Variants in MIGA2 observed in about 807,000 individuals in gnomAD.
MIGA2 encodes mitoguardin 2.
A neutral mutation model predicts 69.9 loss-of-function variants in MIGA2; 36 were observed. The ratio of observed to expected loss-of-function variants is 0.52; its 90% CI spans 0.39 to 0.68. The LOEUF (loss-of-function observed/expected upper bound fraction) is 0.68, where lower values mean the gene tolerates loss of function less well. MIGA2 is among the 30% of genes least tolerant of loss of function. The probability of loss-of-function intolerance (pLI) is 0.00; values close to 1 mark genes in which losing one functional copy is unlikely to be tolerated. For synonymous variants in MIGA2, 333 were observed against 349.2 expected (o/e 0.95, Z 0.52); for missense variants, 660 against 787.7 (o/e 0.84, Z 1.94).
At position 129,049,877 on chromosome 9, in the gene MIGA2, G is replaced by A. The variant is rs928581138; in HGVS notation, c.589G>A (p.Val197Met). 8.7e-6 allele frequency: 14 copies of A among 1,614,020 alleles called. 1 individual carries two copies. The highest frequency in any genetic ancestry group is 4.5e-5 in the East Asian group (2 of 44,892). The change falls in exon 6 of 16, where the codon GTG (valine) becomes ATG (methionine). Residue 197 changes from valine (V) to methionine (M), a missense_variant. Val to Met is a conservative substitution (Grantham distance 21). This residue lies in a region of MIGA2 where 386 missense variants were observed against 402.0 expected (regional missense o/e 0.96). Transcript: ENST00000684074. ...GCAGAAGTGGGAGCAGGCACTAAGC[G>A]TGGGCCAGCGGGGGGACAGCGGCAG... Reference protein sequence around the residue: ...ALQKWEQALSVGQRGDSGSTP... With the variant: ...ALQKWEQALSMGQRGDSGSTP...
intron 6 of MIGA2, among the ~76,000 whole-genome samples, chr9:129,055,073 T>G (rs1369424284): frequency 1.3e-5 from 2 of 148,534 alleles, no homozygotes; most frequent in African/African-American, 5.0e-5. Context: ...TGTATTTTTT[T>G]TCTTTTCTTT....
At position 129,042,330 on chromosome 9, in the gene MIGA2, G is replaced by T; in HGVS notation, c.123G>T (p.Thr41=). 6.2e-7 allele frequency: 1 copy of T among 1,612,542 alleles called. No homozygotes were observed. Among genetic ancestry groups the T allele is most frequent in the South Asian group, 1.1e-5 (1 of 91,000 alleles). The change falls in exon 3 of 16, where the codon ACG becomes ACT. Residue 41 remains threonine (T), a synonymous_variant. Transcript: ENST00000684074. ...CTGCATTCTCCCAGCTACGGTTGAC[G>T]CCAGGCCTGCGGAAAGTCCTCTTTG... ...GQSAFSQLRL[T]PGLRKVLFAT... is the part of the protein sequence containing the mutation.
At position 129,048,439 on chromosome 9, in the gene MIGA2, G is replaced by T; in HGVS notation, c.320G>T (p.Arg107Leu). 1.9e-6 allele frequency: 3 copies of T among 1,613,906 alleles called. No homozygotes were observed. The highest frequency in any genetic ancestry group is 2.5e-6 in the Non-Finnish European group (3 of 1,179,880). ...CTGCTCCTCACAGGATACTCCAGCC[G>T]GAGAGTCCAGAGCCCCAGCAGCAAG... ...VPSVKKGYSS[R>L]RVQSPSSKSN... Residue 107 changes from arginine to leucine, a missense_variant, in exon 4 of 16, where the codon CGG becomes CTG. Coordinates refer to ENST00000684074, the MANE Select transcript of MIGA2 (RefSeq NM_001329990.2).
At position 129,069,412 on chromosome 9, in the gene MIGA2, G is replaced by A. The variant is rs1348604216; in HGVS notation, c.1458+283G>A. 11 of 555,948 alleles carry A rather than the reference G, an allele frequency of 2.0e-5. No individual in the cohort carries two copies. Among genetic ancestry groups the A allele is most frequent in the South Asian group, 6.4e-5 (3 of 47,056 alleles). The allele number at this position is 555,948 out of a possible 1,614,324, so 34.4% of individuals were successfully genotyped here. A position where few individuals can be genotyped will look rare whatever the true frequency, so the allele number is the denominator to read the frequency against. ...GGCTGGCAGCTGGCCTGGTGCAGGC[G>A]TCTCGGTGGGGGCAGGATACCCAGG... On this transcript the variant is annotated intron_variant, in intron 14 of 15. Coordinates refer to ENST00000684074, the MANE Select transcript of MIGA2 (RefSeq NM_001329990.2). This position sits in a 1 kb window ranked among gnomAD's most constrained non-coding sequence, Gnocchi z 4.9.
intron 2 of MIGA2, 200 bp from the exon 3 acceptor site, chr9:129,042,104 C>T: frequency 1.7e-6 from 1 of 604,506 alleles, no homozygotes; most frequent in Admixed American, 3.0e-5. Context: ...ATCTTGCCAT[C>T]TTTATGTTTT....
chr9:129,068,059 C>A lies in MIGA2; in HGVS notation c.1270-139C>A. The A allele has an allele frequency of 2.2e-6, 3 of 1,352,588 alleles. No individual in the cohort carries two copies. The highest frequency in any genetic ancestry group is 1.2e-5 in the South Asian group (1 of 81,862). 83.8% of individuals were successfully genotyped at this position (1,352,588 alleles called of 1,614,324 possible). A position where few individuals can be genotyped will look rare whatever the true frequency, so the allele number is the denominator to read the frequency against. ...GGAATGGCCTCAGCTACACCCGTTGCACAGCAGAGCGGGAAAGACGTGTCC... is the reference window on the plus strand; with the variant it reads ...GGAATGGCCTCAGCTACACCCGTTGAACAGCAGAGCGGGAAAGACGTGTCC... On this transcript the variant is annotated intron_variant, in intron 12 of 15. Coordinates refer to ENST00000684074, the MANE Select transcript of MIGA2 (RefSeq NM_001329990.2). This position sits in a 1 kb window ranked among gnomAD's most constrained non-coding sequence, Gnocchi z 4.1.
chr9:129,056,783 G>T (rs948623416), intron 6 of MIGA2, among the ~76,000 whole-genome samples: 5 of 152,100 alleles, frequency 3.3e-5, no homozygotes, highest in African/African-American at 1.2e-4. Flanking sequence ...CCCCCAAAGT[G>T]CTGGGATTAC....
rs772354137 is a variant in MIGA2 at position 129,048,454 on chromosome 9, C to T, written c.335C>T (p.Pro112Leu). The part of the protein sequence containing the change: ...KGYSSRRVQS[P>L]SSKSNDTLSG... ...TACTCCAGCCGGAGAGTCCAGAGCCCCAGCAGCAAGAGCAACGACACCCTG... is the reference window on the plus strand; with the variant it reads ...TACTCCAGCCGGAGAGTCCAGAGCCTCAGCAGCAAGAGCAACGACACCCTG... Residue 112 changes from proline to leucine, a missense_variant, in exon 4 of 16, where the codon CCC becomes CTC. Around this residue, in one of 3 missense-constraint regions of MIGA2, gnomAD observed 386 missense variants for 402.0 expected, o/e 0.96. Transcript: ENST00000684074. The T allele has an allele frequency of 3.1e-6, 5 of 1,614,044 alleles. 1 individual carries two copies. In the South Asian group the frequency reaches 5.5e-5, roughly 18 times the overall value.
At chr9:129,062,838 C>A (rs1048068072) in intron 9 of MIGA2, among the ~76,000 whole-genome samples, 1 of 150,808 alleles carries the variant, frequency 6.6e-6, no homozygotes, top group Non-Finnish European at 1.5e-5. Flanking sequence ...AACGAGACTC[C>A]GTCTAAAAAA....
chr9:129,057,389 G>A (rs1037775308), intron 6 of MIGA2, among the ~76,000 whole-genome samples: 2 of 150,760 alleles, frequency 1.3e-5, no homozygotes, highest in Non-Finnish European at 3.0e-5. Flanking sequence ...CCCCTCCCGG[G>A]TTCATGCCAT....
In MIGA2 at chr9:129,068,497, C is replaced by T. The variant is rs552956213; in HGVS notation, c.1404+165C>T. On this transcript the variant is annotated intron_variant, in intron 13 of 15. Coordinates refer to ENST00000684074, the MANE Select transcript of MIGA2 (RefSeq NM_001329990.2). This position sits in a 1 kb window ranked among gnomAD's most constrained non-coding sequence, Gnocchi z 4.1. ...ACCAGAGTCTGCCCTGGAGAAGCCTCCAGGGTGCCCCGTTGCTGCCTGGTG... is the reference window on the plus strand; with the variant it reads ...ACCAGAGTCTGCCCTGGAGAAGCCTTCAGGGTGCCCCGTTGCTGCCTGGTG... 4 of 884,276 alleles carry T rather than the reference C, an allele frequency of 4.5e-6. No individual in the cohort carries two copies. In the African/African-American group the frequency reaches 5.0e-5, roughly 11 times the overall value. 54.8% of individuals were successfully genotyped at this position (884,276 alleles called of 1,614,324 possible).
At chr9:129,053,607 TC>T (rs1010798337) in intron 6 of MIGA2, among the ~76,000 whole-genome samples, 3 of 152,096 alleles carry the variant, frequency 2.0e-5, no homozygotes, top group Middle Eastern at 3.2e-3. Flanking sequence ...CCTCAGGTGA[TC>T]CGCCCGCCTC....
At position 129,071,267 on chromosome 9, in the gene MIGA2, G is replaced by C. The variant is rs1333682186; in HGVS notation, c.*814G>C. 4 of 152,534 alleles carry C rather than the reference G, an allele frequency of 2.6e-5. No homozygotes were observed. The highest frequency in any genetic ancestry group is 4.4e-5 in the Non-Finnish European group (3 of 68,314). The allele number at this position is 152,534 out of a possible 1,614,324, so 9.4% of individuals were successfully genotyped here. ...TCACCTGTGGGCCCGGGGACCACTT[G>C]GGGGAGGTCAGAGGATGTATGTGGC... On this transcript the variant is annotated 3_prime_UTR_variant, in exon 16 of 16. Coordinates refer to ENST00000684074, the MANE Select transcript of MIGA2 (RefSeq NM_001329990.2).
chr9:129,056,565 C>CTGAA (rs1845807271), intron 6 of MIGA2, among the ~76,000 whole-genome samples: 1 of 151,198 alleles, frequency 6.6e-6, no homozygotes, highest in African/African-American at 2.4e-5. Context: ...GTTGCCCAGG[C>CTGAA]TGAAGTGCAG....
chr9:129,039,175 T>G (rs111743930), intron 1 of MIGA2, among the ~76,000 whole-genome samples: 64 of 139,998 alleles, frequency 4.6e-4, no homozygotes, highest in South Asian at 4.0e-3. Context: ...AGCTCTTTGT[T>G]TGTGTGTGTG....
Position 129,061,162 on chromosome 9 carries a change from G to A in MIGA2, c.895-69G>A. ...GGCCGCTGTGGCCGACCAATGGGCA[G>A]GTGCCCTTGCGCCGTGGCGTGCTGC... On this transcript the variant is annotated intron_variant, in intron 8 of 15. Transcript: ENST00000684074. The surrounding 1 kb of genome is among the most constrained non-coding windows in gnomAD (Gnocchi z 5.0). 7.3e-7 allele frequency: 1 copy of A among 1,366,428 alleles called. No individual in the cohort carries two copies. The highest frequency in any genetic ancestry group is 1.0e-6 in the Non-Finnish European group (1 of 978,274). 84.6% of individuals were successfully genotyped at this position (1,366,428 alleles called of 1,614,324 possible).
intron 1 of MIGA2, among the ~76,000 whole-genome samples, chr9:129,038,281 C>T (rs983101332): frequency 3.3e-5 from 5 of 152,214 alleles, no homozygotes; most frequent in Non-Finnish European, 5.9e-5. Context: ...CTCCTCAGTC[C>T]TTCCCACTCA....
chr9:129,067,290 G>A (rs1412385465), intron 11 of MIGA2, among the ~76,000 whole-genome samples: 1 of 152,222 alleles, frequency 6.6e-6, no homozygotes, highest in Non-Finnish European at 1.5e-5. Context: ...TGAAGGATGT[G>A]TGCCGAGAGC....
At position 129,068,103 on chromosome 9, in the gene MIGA2, C is replaced by T. The variant is rs763173932; in HGVS notation, c.1270-95C>T. On this transcript the variant is annotated intron_variant, in intron 12 of 15. Transcript: ENST00000684074. This position sits in a 1 kb window ranked among gnomAD's most constrained non-coding sequence, Gnocchi z 4.1. Reference sequence around the variant, plus strand: ...CGTGTCCCCCCCACGTGTGCTCATGCCCTGGACCCCAGCTTCAGTCTCCCC... The same window carrying T: ...CGTGTCCCCCCCACGTGTGCTCATGTCCTGGACCCCAGCTTCAGTCTCCCC... 1 of 1,563,112 alleles carries T rather than the reference C, an allele frequency of 6.4e-7. No individual in the cohort carries two copies. Among genetic ancestry groups the T allele is most frequent in the Non-Finnish European group, 8.8e-7 (1 of 1,135,372 alleles).
Sources: gnomAD v4.1 joint callset for allele counts (sites outside exome capture counted in the v4.1 genomes callset) on GRCh38, gnomAD v4.1.1 for gene constraint, gnomAD v4.1.1 regional missense constraint, Gnocchi (gnomAD v3.1) non-coding constraint, MANE v1.5 for transcripts, NCBI Gene and HGNC (gene_info 2026-07-23, HGNC 2026-07-21) for gene names.